MYLK4: variants seen among roughly 807,000 people sequenced by gnomAD.
MYLK4 encodes myosin light chain kinase family member 4, also known as caMLCK like.
A neutral mutation model predicts 48.1 loss-of-function variants in MYLK4; 46 were observed. The ratio of observed to expected loss-of-function variants is 0.96; its 90% confidence interval spans 0.75 to 1.22. MYLK4 has a LOEUF of 1.22. Among genes scored for constraint, MYLK4 ranks in the 50% most tolerant of loss-of-function variants. The pLI, the probability that MYLK4 is intolerant of heterozygous loss-of-function variation, is 0.00. For synonymous variants in MYLK4, 170 were observed against 180.8 expected (o/e 0.94, Z 0.48); for missense variants, 451 against 486.1 (o/e 0.93, Z 0.68).
chr6:2,739,980 T>C (rs968980202), intron 2 of MYLK4, among the ~76,000 whole-genome samples: 2 of 152,224 alleles, frequency 1.3e-5, no homozygotes, highest in East Asian at 3.8e-4. Context: ...GACTGGAAGC[T>C]GCATCTCCTG....
chr6:2,757,990 G>T, the MYLK4 span, among the ~76,000 whole-genome samples: 1 of 152,208 alleles, frequency 6.6e-6, no homozygotes, highest in Non-Finnish European at 1.5e-5. Flanking sequence ...GAAACTCAGT[G>T]CTTCCTATTT....
chr6:2,717,507 G>C (rs1303736397), intron 2 of MYLK4, among the ~76,000 whole-genome samples: 1 of 152,138 alleles, frequency 6.6e-6, no homozygotes, highest in African/African-American at 2.4e-5. Context: ...CCCCTAAGTG[G>C]GGCTGGTCCT....
intron 2 of MYLK4, among the ~76,000 whole-genome samples, chr6:2,718,196 A>T (rs148480137): frequency 6.8e-6 from 1 of 148,106 alleles, no homozygotes; most frequent in Admixed American, 6.7e-5. Flanking sequence ...AAAAAAAAAA[A>T]AAAAAGAAAA....
the MYLK4 span, among the ~76,000 whole-genome samples, chr6:2,764,216 A>G: frequency 3.9e-5 from 6 of 152,308 alleles, no homozygotes; most frequent in Middle Eastern, 3.4e-3. Context: ...TAGCGTTTCT[A>G]TTAATCTTAT....
At chr6:2,674,871 C>CA (rs1469547096) in intron 11 of MYLK4, among the ~76,000 whole-genome samples, 176 bp downstream of exon 11, 2 of 151,896 alleles carry the variant, frequency 1.3e-5, no homozygotes, top group African/African-American at 4.8e-5. Context: ...AATTTTGCCT[C>CA]AAAAAAAATT....
At chr6:2,692,688 G>T in intron 3 of MYLK4, 96 bp downstream of exon 3, 2 of 1,025,688 alleles carry the variant, frequency 1.9e-6, no homozygotes, top group East Asian at 3.0e-5. Context: ...TTCCTGCACA[G>T]GGCTTTATGA....
chr6:2,687,299 T>C (rs954520786), intron 4 of MYLK4, among the ~76,000 whole-genome samples: 2 of 152,198 alleles, frequency 1.3e-5, no homozygotes, highest in African/African-American at 4.8e-5. Context: ...TCCACGCACA[T>C]TTGATCATGC....
the MYLK4 span, chr6:2,768,931 A>G: frequency 1.9e-6 from 3 of 1,543,728 alleles, no homozygotes; most frequent in East Asian, 2.3e-5. Context: ...ATCAAACAAT[A>G]TAAAGTGTGT....
intron 2 of MYLK4, among the ~76,000 whole-genome samples, chr6:2,699,457 AT>A (rs11398275): frequency 8.7e-5 from 12 of 138,140 alleles, no homozygotes; most frequent in African/African-American, 3.0e-4. Context: ...CACCTGGCTA[AT>A]TTTTTTTTTT....
the MYLK4 span, among the ~76,000 whole-genome samples, chr6:2,763,327 A>AT: frequency 6.6e-6 from 1 of 152,256 alleles, no homozygotes; most frequent in Non-Finnish European, 1.5e-5. Flanking sequence ...AGTCCCACGT[A>AT]ATGAGCCTGC....
At chr6:2,701,362 G>A (rs1206674303) in intron 2 of MYLK4, among the ~76,000 whole-genome samples, 2 of 152,090 alleles carry the variant, frequency 1.3e-5, no homozygotes, top group Non-Finnish European at 2.9e-5. Flanking sequence ...CCCTGCAGTG[G>A]GGCACGCCGG....
chr6:2,746,135 C>T (rs569076015), intron 2 of MYLK4, among the ~76,000 whole-genome samples: 10 of 150,952 alleles, frequency 6.6e-5, no homozygotes, highest in South Asian at 2.1e-4. Flanking sequence ...GGCGTGGTTG[C>T]GTGCGCCTGT....
At chr6:2,770,121 A>T in the MYLK4 span, 1 of 1,614,158 alleles carries the variant, frequency 6.2e-7, no homozygotes, top group Non-Finnish European at 8.5e-7. Flanking sequence ...CATGATTAGG[A>T]CACTTTCCTT....
At chr6:2,770,132 C>T in the MYLK4 span, 2 of 1,614,118 alleles carry the variant, frequency 1.2e-6, no homozygotes, top group Non-Finnish European at 8.5e-7. Context: ...CACTTTCCTT[C>T]CTCACGTGGA....
chr6:2,711,149 G>A (rs987086769), intron 2 of MYLK4, among the ~76,000 whole-genome samples: 2 of 152,168 alleles, frequency 1.3e-5, no homozygotes, highest in African/African-American at 4.8e-5. Context: ...AAGAACTGCT[G>A]CTCAGGTTCA....
chr6:2,721,577 C>T (rs973686008), intron 2 of MYLK4, among the ~76,000 whole-genome samples: 3 of 150,868 alleles, frequency 2.0e-5, no homozygotes, highest in Non-Finnish European at 4.4e-5. Context: ...AGGCATGCAT[C>T]GCAAGCTCAG....
intron 2 of MYLK4, among the ~76,000 whole-genome samples, chr6:2,693,646 A>G (rs1328158069): frequency 6.6e-6 from 1 of 152,182 alleles, no homozygotes; most frequent in Non-Finnish European, 1.5e-5. Context: ...TGTCCAAAAA[A>G]AGTATTTATT....
rs78755357 is a variant in MYLK4 at position 2,731,053 on chromosome 6, A to T, written c.159+18083T>A. ...CTAATTCAGGCTGGATAGCCTTTTTAAAAAAAAGATTTAAAAGGGGTAGTC... is the reference window on the plus strand; with the variant it reads ...CTAATTCAGGCTGGATAGCCTTTTTTAAAAAAAGATTTAAAAGGGGTAGTC... On this transcript the variant is annotated intron_variant, in intron 2 of 12. Coordinates refer to ENST00000274643, the MANE Select transcript of MYLK4 (RefSeq NM_001012418.5). 3.7e-3 allele frequency among the ~76,000 whole-genome samples: 568 copies of T among 152,176 alleles called. 7 individuals carry two copies. Among genetic ancestry groups the T allele is most frequent in the African/African-American group, 0.013 (543 of 41,514 alleles).
intron 2 of MYLK4, among the ~76,000 whole-genome samples, chr6:2,724,707 C>A (rs1220629396): frequency 6.6e-6 from 1 of 152,088 alleles, no homozygotes; most frequent in African/African-American, 2.4e-5. Flanking sequence ...AACACAGAGC[C>A]CAGCCCGGTC....
Sources: allele counts gnomAD v4.1 joint callset (sites outside exome capture counted in the v4.1 genomes callset), GRCh38; gene constraint gnomAD v4.1.1; transcripts MANE v1.5; gene names NCBI Gene and HGNC (gene_info 2026-07-23, HGNC 2026-07-21).